Variants in ATRX observed in about 807,000 individuals in gnomAD.
ATRX encodes ATRX chromatin remodeler.
A neutral mutation model predicts 172.6 loss-of-function variants in ATRX; 12 were observed. The ratio of observed to expected loss-of-function variants is 0.07; its 90% CI spans 0.04 to 0.11. ATRX has a LOEUF of 0.11. ATRX is among the 10% of genes least tolerant of loss of function. The pLI is 1.00. For missense variants in ATRX, 1,368 were observed against 1,767.4 expected (o/e 0.77, Z 4.05); for synonymous variants, 674 against 594.7 (o/e 1.13, Z -1.94).
In ATRX at chrX:77,740,053, CAAAAAAA is replaced by C. The variant is rs781860181; in HGVS notation, c.21-22817_21-22811del. ...GGGGAAGAAGCGCAAAACTCCATCC[CAAAAAAA>C]AAAAAAAAAAAAAAAAATTTTTAAA... On this transcript the variant is annotated intron_variant, in intron 1 of 34. Coordinates refer to ENST00000373344, the MANE Select transcript of ATRX (RefSeq NM_000489.6). 3.0e-4 allele frequency among the ~76,000 whole-genome samples: 14 copies of C among 47,053 alleles called. No individual in the cohort carries two copies. The East Asian group carries it at 4.8e-3, about 16-fold the overall frequency. 40.9% of individuals were successfully genotyped at this position (47,053 alleles called of 115,157 possible).
intron 19 of ATRX, among the ~76,000 whole-genome samples, chrX:77,629,816 C>G (rs931609870): frequency 1.3e-4 from 15 of 111,930 alleles, no homozygotes; most frequent in African/African-American, 4.5e-4. Flanking sequence ...ACTGCTCTGA[C>G]CACTTACGTT....
At position 77,585,372 on chromosome X, in the gene ATRX, G is replaced by C. The variant is rs2065968205; in HGVS notation, c.6217+4462C>G. ...GCAGATAACCTGAGGTCAAGAGTTT[G>C]AGACCAGCCTGGCCAACATGGTGAA... is the stretch of plus-strand genomic sequence containing the variant. On this transcript the variant is annotated intron_variant, in intron 27 of 34. Coordinates refer to ENST00000373344, the MANE Select transcript of ATRX (RefSeq NM_000489.6). 3.7e-5 allele frequency among the ~76,000 whole-genome samples: 4 copies of C among 108,115 alleles called. No individual in the cohort carries two copies. The South Asian group carries it at 1.6e-3, about 44-fold the overall frequency. 93.9% of individuals were successfully genotyped at this position (108,115 alleles called of 115,157 possible).
intron 1 of ATRX, among the ~76,000 whole-genome samples, chrX:77,726,233 T>C (rs1557172757): frequency 9.0e-6 from 1 of 110,542 alleles, no homozygotes; most frequent in African/African-American, 3.3e-5. Flanking sequence ...CAAATGTCCA[T>C]CAATGACAGA....
In ATRX at chrX:77,770,540, T is replaced by C. The variant is rs140902239; in HGVS notation, c.20+15442A>G. The stretch of plus-strand genomic sequence containing the variant: ...TGAAAACAACATACCATCACTTCTG[T>C]TATTTCTTCCAAAAATGCATACCCT... On this transcript the variant is annotated intron_variant, in intron 1 of 34. Coordinates refer to ENST00000373344, the MANE Select transcript of ATRX (RefSeq NM_000489.6). Among the ~76,000 whole-genome samples, 886 of 111,939 alleles carry C rather than the reference T, an allele frequency of 7.9e-3. 10 individuals carry two copies. Among genetic ancestry groups the C allele is most frequent in the African/African-American group, 0.028 (858 of 30,858 alleles).
intron 34 of ATRX, among the ~76,000 whole-genome samples, chrX:77,513,171 G>A (rs1054499323): frequency 9.2e-6 from 1 of 108,644 alleles, no homozygotes; most frequent in Admixed American, 9.8e-5. Flanking sequence ...CAAAAAATTA[G>A]CTGGGCGTGG....
At chrX:77,568,989 G>T (rs1246288685) in intron 28 of ATRX, among the ~76,000 whole-genome samples, 2 of 111,062 alleles carry the variant, frequency 1.8e-5, no homozygotes, top group African/African-American at 6.5e-5. Context: ...GTACAACATG[G>T]CTGTGCATTC....
At chrX:77,567,824 A>G (rs181544029) in intron 28 of ATRX, among the ~76,000 whole-genome samples, 2 of 111,739 alleles carry the variant, frequency 1.8e-5, no homozygotes, top group East Asian at 5.6e-4. Flanking sequence ...CAAACTTAAA[A>G]GAATTGAAAT....
intron 10 of ATRX, among the ~76,000 whole-genome samples, chrX:77,667,580 G>T (rs1219484973): frequency 9.0e-6 from 1 of 111,066 alleles, no homozygotes; most frequent in Non-Finnish European, 1.9e-5. Context: ...TTAATTGTAG[G>T]AAATCACACA....
chrX:77,653,263 T>C (rs997138185), intron 14 of ATRX, among the ~76,000 whole-genome samples: 13 of 111,968 alleles, frequency 1.2e-4, no homozygotes, highest in Admixed American at 7.6e-4. Context: ...CATAGCAGTA[T>C]TATTCAAAAT....
At chrX:77,620,187 G>A (rs1020095672) in intron 20 of ATRX, among the ~76,000 whole-genome samples, 1 of 111,843 alleles carries the variant, frequency 8.9e-6, no homozygotes, top group South Asian at 3.7e-4. Context: ...TCACAATAGC[G>A]TATCTCTTAA....
intron 28 of ATRX, among the ~76,000 whole-genome samples, chrX:77,567,470 A>G (rs2065240946): frequency 9.0e-6 from 1 of 111,554 alleles, no homozygotes; most frequent in East Asian, 2.8e-4. Flanking sequence ...TTAGTATCAG[A>G]TAAAACAGAT....
chrX:77,544,130 T>C (rs929177312), intron 30 of ATRX, among the ~76,000 whole-genome samples: 7 of 111,439 alleles, frequency 6.3e-5, no homozygotes, highest in Admixed American at 2.9e-4. Context: ...TGAAATGCCA[T>C]ATACTTGTAA....
chrX:77,745,960 C>T (rs1340856781), intron 1 of ATRX, among the ~76,000 whole-genome samples: 1 of 111,201 alleles, frequency 9.0e-6, no homozygotes, highest in East Asian at 2.8e-4. Flanking sequence ...AGGTATCATC[C>T]AGCCCCAGTT....
chrX:77,700,244 A>C (rs1440388738), intron 2 of ATRX, among the ~76,000 whole-genome samples: 1 of 112,376 alleles, frequency 8.9e-6, no homozygotes, highest in African/African-American at 3.2e-5. Context: ...ACATGAAAAA[A>C]TGCTCAACAT....
chrX:77,563,014 C>A (rs968550512), intron 28 of ATRX, among the ~76,000 whole-genome samples: 2 of 112,465 alleles, frequency 1.8e-5, no homozygotes, highest in Non-Finnish European at 3.8e-5. Flanking sequence ...GTTAAATATG[C>A]AAATTGCAAA....
chrX:77,738,327 CCT>C (rs1557180143), intron 1 of ATRX, among the ~76,000 whole-genome samples: 3 of 103,603 alleles, frequency 2.9e-5, no homozygotes, highest in African/African-American at 1.1e-4. Flanking sequence ...ACAGTGACAC[CCT>C]GTCTCCAAAA....
intron 30 of ATRX, among the ~76,000 whole-genome samples, chrX:77,556,605 A>G (rs1274421876): frequency 9.0e-6 from 1 of 111,337 alleles, no homozygotes; most frequent in Non-Finnish European, 1.9e-5. Flanking sequence ...TTTAACCTTC[A>G]CAAGACATAA....
At chrX:77,548,818 G>T (rs2064345811) in intron 30 of ATRX, among the ~76,000 whole-genome samples, 1 of 112,023 alleles carries the variant, frequency 8.9e-6, no homozygotes, top group African/African-American at 3.2e-5. Flanking sequence ...CAGGACTAAA[G>T]AAAGGGGAGA....
At chrX:77,717,061 T>TTACCTCCA in intron 2 of ATRX, 70 bp downstream of exon 2, 1 of 879,157 alleles carries the variant, frequency 1.1e-6, no homozygotes, top group Non-Finnish European at 1.6e-6. Context: ...AAATAAATGG[T>TTACCTCCA]TACCTCCATA....
Sources: allele counts gnomAD v4.1 joint callset (sites outside exome capture counted in the v4.1 genomes callset), GRCh38; gene constraint gnomAD v4.1.1; transcripts MANE v1.5; gene names NCBI Gene and HGNC (gene_info 2026-07-23, HGNC 2026-07-21).